The following MYO3A variants were observed in gnomAD, a reference collection of about 807,000 sequenced individuals.
MYO3A encodes the protein myosin-IIIa.
MYO3A carries 180 observed loss-of-function variants against 192.7 expected under a neutral mutation model. That is an observed-to-expected ratio of 0.93 (90% CI 0.83 to 1.06). The LOEUF (loss-of-function observed/expected upper bound fraction) is 1.06. MYO3A is among the 50% of genes least tolerant of loss of function. The pLI is 0.00. For synonymous variants in MYO3A, 628 were observed against 645.3 expected, an observed-to-expected ratio of 0.97 and a Z score of 0.41; for missense variants, 1,896 against 1,905.0, an observed-to-expected ratio of 1.00 and a Z score of 0.09.
At chr10:26,017,858 A>G (rs1842066637) in intron 7 of MYO3A, among the ~76,000 whole-genome samples, 1 of 151,456 alleles carries the variant, frequency 6.6e-6, no homozygotes, top group Non-Finnish European at 1.5e-5. Flanking sequence ...CTCAAAGGAG[A>G]GTTTCTTTAG....
chr10:25,996,466 C>A (rs760398382), intron 4 of MYO3A, 24 bp from the exon 5 acceptor site: 3 of 1,571,434 alleles, frequency 1.9e-6, no homozygotes, highest in Non-Finnish European at 1.8e-6. Flanking sequence ...TTTTTAATAG[C>A]CATCTTAAAA....
chr10:26,128,155 C>T (rs867935322), intron 19 of MYO3A, among the ~76,000 whole-genome samples: 1 of 152,074 alleles, frequency 6.6e-6, no homozygotes, highest in Non-Finnish European at 1.5e-5. Flanking sequence ...ATAAAAGTAT[C>T]GGAGTGGTTT....
intron 31 of MYO3A, among the ~76,000 whole-genome samples, chr10:26,190,138 A>G (rs928792207): frequency 6.6e-6 from 1 of 152,206 alleles, no homozygotes; most frequent in African/African-American, 2.4e-5. Flanking sequence ...CATAGAAACC[A>G]TATTAAGACT....
chr10:26,070,599 C>A (rs1333088440), intron 14 of MYO3A, among the ~76,000 whole-genome samples, 198 bp downstream of exon 14: 1 of 152,000 alleles, frequency 6.6e-6, no homozygotes, highest in African/African-American at 2.4e-5. Context: ...GATTTTCTAA[C>A]TTTTATCACA....
At chr10:26,086,684 C>T (rs1197408754) in intron 14 of MYO3A, among the ~76,000 whole-genome samples, 1 of 151,988 alleles carries the variant, frequency 6.6e-6, no homozygotes, top group Admixed American at 6.5e-5. Context: ...TCCCCCTTGC[C>T]CATCAACCAC....
chr10:26,209,658 T>G (rs553578715), intron 34 of MYO3A, among the ~76,000 whole-genome samples: 1 of 152,358 alleles, frequency 6.6e-6, no homozygotes, highest in Non-Finnish European at 1.5e-5. Context: ...AGCACTTCTC[T>G]TGGTTTGCCT....
At chr10:26,066,514 C>G (rs533103323) in intron 10 of MYO3A, among the ~76,000 whole-genome samples, 110 of 152,286 alleles carry the variant, frequency 7.2e-4, no homozygotes, top group African/African-American at 2.6e-3. Flanking sequence ...TTACACACAT[C>G]TAACCTTTTG....
At chr10:26,137,978 T>C (rs187901224) in intron 20 of MYO3A, among the ~76,000 whole-genome samples, 1 of 152,340 alleles carries the variant, frequency 6.6e-6, no homozygotes, top group African/African-American at 2.4e-5. Context: ...TATCAGTAAT[T>C]CTGCTTTTAC....
At position 26,068,819 on chromosome 10, in the gene MYO3A, G is replaced by GTA. The variant is rs1564516419; in HGVS notation, c.1106_1107insAT (p.Tyr370SerfsTer45). ...GTGTTATTCCAGAGATCAGATCTAC[G>GTA]TCTATGTGGGAGACATACTCATTGC... On this transcript the variant is annotated frameshift_variant, in exon 12 of 35. Transcript: ENST00000642920. LOFTEE classifies it high-confidence loss of function. The GTA allele has an allele frequency of 7.5e-6, 12 of 1,594,784 alleles. No homozygotes were observed. The highest frequency in any genetic ancestry group is 1.7e-4 in the Middle Eastern group (1 of 6,022).
intron 10 of MYO3A, 50 bp from the exon 11 acceptor site, chr10:26,066,925 C>T: frequency 7.5e-7 from 1 of 1,337,168 alleles, no homozygotes. Flanking sequence ...AACTTTTTTC[C>T]ACTATGAGCA....
rs12768626 is a variant in MYO3A, at chr10:26,026,361, T to C, written c.798-16T>C. 1 of 1,613,710 alleles carries C rather than the reference T, an allele frequency of 6.2e-7. No homozygotes were observed. The highest frequency in any genetic ancestry group is 8.5e-7 in the Non-Finnish European group (1 of 1,179,730). ...TAACTTATCTAATAATTGCATGTTC[T>C]TTTTTGCCAGTGCAGGTGCTTGACT... On this transcript the variant is annotated splice_polypyrimidine_tract_variant and intron_variant, in intron 9 of 34. Coordinates refer to ENST00000642920, the MANE Select transcript of MYO3A (RefSeq NM_017433.5).
intron 10 of MYO3A, among the ~76,000 whole-genome samples, chr10:26,030,482 A>T (rs1842756050): frequency 1.3e-5 from 2 of 152,170 alleles, no homozygotes; most frequent in South Asian, 4.1e-4. Flanking sequence ...ATTCATATTC[A>T]CACTAGTCCC....
At chr10:26,207,344 A>T (rs1279586103) in intron 34 of MYO3A, among the ~76,000 whole-genome samples, 1 of 152,014 alleles carries the variant, frequency 6.6e-6, no homozygotes, top group Non-Finnish European at 1.5e-5. Flanking sequence ...TTCTCTTTTT[A>T]GGCAGCATCA....
Position 25,952,193 on chromosome 10 carries a change from G to A in MYO3A, c.83G>A (p.Gly28Asp), listed in dbSNP as rs771163629. Residue 28 changes from glycine (G) to aspartate (D), a missense_variant, in exon 3 of 35, where the codon GGC becomes GAC. By Grantham distance (94) the Gly-to-Asp change is moderately conservative (BLOSUM62 -1). Coordinates refer to ENST00000642920, the MANE Select transcript of MYO3A (RefSeq NM_017433.5). ...SDTWEITETI[G>D]KGTYGKVFKV... Reference sequence around the variant, plus strand: ...ACATGGGAAATCACTGAGACAATTGGCAAAGGAACTTATGGGAAAGTTTTT... The same window carrying A: ...ACATGGGAAATCACTGAGACAATTGACAAAGGAACTTATGGGAAAGTTTTT... 3.0e-5 allele frequency: 48 copies of A among 1,612,364 alleles called. No homozygotes were observed. In the Admixed American group the frequency reaches 7.7e-4, roughly 26 times the overall value.
intron 6 of MYO3A, among the ~76,000 whole-genome samples, chr10:26,005,979 A>C (rs1423868420): frequency 6.6e-6 from 1 of 152,092 alleles, no homozygotes; most frequent in Admixed American, 6.6e-5. Flanking sequence ...TCTTTATTTT[A>C]GAGCTTTATG....
intron 4 of MYO3A, among the ~76,000 whole-genome samples, chr10:25,969,010 T>C (rs1838440083): frequency 1.3e-5 from 2 of 152,250 alleles, no homozygotes; most frequent in East Asian, 3.9e-4. Flanking sequence ...GAGGCCAAGG[T>C]GGGCGGATGA....
intron 6 of MYO3A, among the ~76,000 whole-genome samples, chr10:26,010,459 T>G (rs902778373): frequency 7.0e-6 from 1 of 143,650 alleles, no homozygotes; most frequent in East Asian, 1.9e-4. Flanking sequence ...TGTTTTTTTT[T>G]TTTTTTTTTT....
chr10:25,963,462 AC>A (rs1439230563), intron 4 of MYO3A, among the ~76,000 whole-genome samples: 2 of 152,176 alleles, frequency 1.3e-5, no homozygotes, highest in Non-Finnish European at 2.9e-5. Flanking sequence ...TCAGCTATTA[AC>A]CCTTTAATGC....
chr10:25,962,259 G>A (rs1837979422), intron 4 of MYO3A, among the ~76,000 whole-genome samples: 1 of 151,912 alleles, frequency 6.6e-6, no homozygotes, highest in Non-Finnish European at 1.5e-5. Flanking sequence ...ACCCTCATTT[G>A]TTATTTTATA....
Sources: allele counts gnomAD v4.1 joint callset (sites outside exome capture counted in the v4.1 genomes callset), GRCh38; gene constraint gnomAD v4.1.1; transcripts MANE v1.5; gene names NCBI Gene and HGNC (gene_info 2026-07-23, HGNC 2026-07-21).